Variants in ANK3 observed in about 807,000 individuals in gnomAD.
ANK3 encodes the protein ankyrin-3.
A neutral mutation model predicts 370.9 loss-of-function variants in ANK3; 57 were observed. The ratio of observed to expected loss-of-function variants is 0.15; its 90% CI spans 0.12 to 0.19. ANK3 has a LOEUF of 0.19. Among genes scored for constraint, ANK3 ranks in the 10% least tolerant of loss-of-function variants. The probability of loss-of-function intolerance (pLI) is 1.00; values close to 1 mark genes in which losing one functional copy is unlikely to be tolerated. For missense variants in ANK3, 4,439 were observed against 5,302.1 expected, an observed-to-expected ratio of 0.84 and a Z score of 5.06; for synonymous variants, 1,929 against 1,946.3, an observed-to-expected ratio of 0.99 and a Z score of 0.23.
chr10:60,275,170 TC>T (rs2098069697), intron 4 of ANK3, among the ~76,000 whole-genome samples: 1 of 152,226 alleles, frequency 6.6e-6, no homozygotes, highest in Non-Finnish European at 1.5e-5. Context: ...ATTTGCATTT[TC>T]TTTTCTGTAG....
At chr10:60,056,785 A>T (rs1009260644) in intron 41 of ANK3, among the ~76,000 whole-genome samples, 1 of 152,100 alleles carries the variant, frequency 6.6e-6, no homozygotes, top group African/African-American at 2.4e-5. Context: ...GCATTTTGGG[A>T]GGCTGAGGCA....
intron 23 of ANK3, among the ~76,000 whole-genome samples, chr10:60,152,728 T>C (rs565126183): frequency 3.3e-5 from 5 of 152,296 alleles, no homozygotes; most frequent in African/African-American, 1.2e-4. Flanking sequence ...ATATACATTT[T>C]AGCAAACTGT....
intron 2 of ANK3, among the ~76,000 whole-genome samples, chr10:60,411,079 A>G (rs1016306110): frequency 6.6e-6 from 1 of 152,152 alleles, no homozygotes; most frequent in Non-Finnish European, 1.5e-5. Flanking sequence ...TGGATAATGG[A>G]GCCCCAAGCT....
chr10:60,471,489 A>T (rs1438776836), intron 2 of ANK3, among the ~76,000 whole-genome samples: 1 of 152,140 alleles, frequency 6.6e-6, no homozygotes, highest in African/African-American at 2.4e-5. Flanking sequence ...ATTCAGTTGC[A>T]TGGATGTACC....
chr10:60,429,478 A>G (rs1279672177), intron 2 of ANK3, among the ~76,000 whole-genome samples: 2 of 152,228 alleles, frequency 1.3e-5, no homozygotes, highest in Admixed American at 6.5e-5. Context: ...GCCTTTACAG[A>G]TTAGTAAAGA....
chr10:60,629,030 T>A (rs1460974187), intron 1 of ANK3, among the ~76,000 whole-genome samples: 2 of 152,194 alleles, frequency 1.3e-5, no homozygotes, highest in Non-Finnish European at 2.9e-5. Context: ...GTTGTTGTTC[T>A]TTTGAAAAGC....
At chr10:60,709,303 A>ATCTATATCTATATCTATATCTATC (rs2079666775) in intron 1 of ANK3, among the ~76,000 whole-genome samples, 1 of 151,274 alleles carries the variant, frequency 6.6e-6, no homozygotes, top group African/African-American at 2.4e-5. Context: ...CTATATCTAT[A>ATCTATATCTATATCTATATCTATC]TCTATATCTA....
At chr10:60,139,165 G>T (rs1012422913) in intron 23 of ANK3, 78 bp from the exon 24 acceptor site, 3 of 1,535,746 alleles carry the variant, frequency 2.0e-6, no homozygotes, top group Non-Finnish European at 2.6e-6. Flanking sequence ...CACTCCTTTG[G>T]TTATCAGCAA....
intron 1 of ANK3, among the ~76,000 whole-genome samples, chr10:60,295,839 CAT>C (rs1164506111): frequency 6.6e-6 from 1 of 152,028 alleles, no homozygotes; most frequent in Non-Finnish European, 1.5e-5. Flanking sequence ...TCTTATGAAA[CAT>C]AACGGTATTT....
intron 2 of ANK3, among the ~76,000 whole-genome samples, chr10:60,477,351 T>C (rs1168338392): frequency 3.9e-5 from 6 of 152,052 alleles, no homozygotes; most frequent in African/African-American, 1.4e-4. Flanking sequence ...CTGAATTATA[T>C]AGAATAAGCA....
chr10:60,207,990 T>C, intron 10 of ANK3, 46 bp downstream of exon 10: 1 of 1,542,498 alleles, frequency 6.5e-7, no homozygotes, highest in South Asian at 1.1e-5. Context: ...GGCAGCACGT[T>C]GTGAGCAAGA....
chr10:60,673,423 T>A (rs931732053), intron 1 of ANK3, among the ~76,000 whole-genome samples: 1 of 152,140 alleles, frequency 6.6e-6, no homozygotes, highest in Non-Finnish European at 1.5e-5. Context: ...CAATCTCGGC[T>A]CACTGCAACC....
At chr10:60,554,813 T>C (rs1280897385) in intron 2 of ANK3, among the ~76,000 whole-genome samples, 4 of 152,196 alleles carry the variant, frequency 2.6e-5, no homozygotes, top group African/African-American at 9.6e-5. Flanking sequence ...TATACACAGT[T>C]TGAATAATTA....
chr10:60,299,977 A>G (rs1361565448), intron 1 of ANK3, among the ~76,000 whole-genome samples: 2 of 152,128 alleles, frequency 1.3e-5, no homozygotes, highest in East Asian at 3.9e-4. Flanking sequence ...AAAAAGTGCA[A>G]CCATATAAAC....
chr10:60,228,043 G>A (rs2097189732), intron 8 of ANK3, among the ~76,000 whole-genome samples: 1 of 152,136 alleles, frequency 6.6e-6, no homozygotes, highest in Admixed American at 6.6e-5. Flanking sequence ...AGAAGGCTTA[G>A]TCCAATGCAT....
At chr10:60,508,441 G>C (rs899718857) in intron 2 of ANK3, 1 of 152,638 alleles carries the variant, frequency 6.6e-6, no homozygotes, top group Admixed American at 6.6e-5. Flanking sequence ...TTGATATCAC[G>C]AGCTATGTTT....
chr10:60,417,723 G>A (rs1264028834), intron 2 of ANK3, among the ~76,000 whole-genome samples: 3 of 152,096 alleles, frequency 2.0e-5, no homozygotes, highest in Non-Finnish European at 4.4e-5. Context: ...TCACAATTAG[G>A]ACCAACAGAA....
At chr10:60,302,130 G>A (rs1483081977) in intron 1 of ANK3, among the ~76,000 whole-genome samples, 1 of 152,160 alleles carries the variant, frequency 6.6e-6, no homozygotes, top group South Asian at 2.1e-4. Flanking sequence ...ATATACACCA[G>A]CAAATGTGGG....
intron 43 of ANK3, among the ~76,000 whole-genome samples, chr10:60,037,082 C>G (rs1195138947): frequency 2.0e-5 from 3 of 152,138 alleles, no homozygotes; most frequent in Non-Finnish European, 4.4e-5. Context: ...ATTTTTGACT[C>G]AATGATTCTT....
Sources: gnomAD v4.1 joint callset for allele counts (sites outside exome capture counted in the v4.1 genomes callset) on GRCh38, gnomAD v4.1.1 for gene constraint, MANE v1.5 for transcripts, NCBI Gene and HGNC (gene_info 2026-07-23, HGNC 2026-07-21) for gene names.